The following RBFOX3 variants were observed in gnomAD, a reference collection of about 807,000 sequenced individuals.
RBFOX3 encodes the protein RNA binding protein fox-1 homolog 3.
RBFOX3 carries 17 observed loss-of-function variants against 48.7 expected under a neutral mutation model. The ratio of observed to expected loss-of-function variants is 0.35; its 90% CI spans 0.24 to 0.52. The LOEUF (loss-of-function observed/expected upper bound fraction) is 0.52. RBFOX3 is among the 20% of genes least tolerant of loss of function. The pLI, the probability that RBFOX3 is intolerant of heterozygous loss-of-function variation, is 0.94. For missense variants in RBFOX3, 382 were observed against 497.5 expected (o/e 0.77, Z 2.21); for synonymous variants, 212 against 209.5 (o/e 1.01, Z -0.10).
intron 1 of RBFOX3, among the ~76,000 whole-genome samples, chr17:79,506,454 G>A (rs2083140200): frequency 6.6e-6 from 1 of 152,310 alleles, no homozygotes; most frequent in Middle Eastern, 3.4e-3. Context: ...AGGCTGCGCT[G>A]GGTGACCTCC....
intron 2 of RBFOX3, among the ~76,000 whole-genome samples, chr17:79,330,827 C>A (rs529937240): frequency 1.3e-5 from 2 of 152,216 alleles, no homozygotes; most frequent in Non-Finnish European, 2.9e-5. Context: ...TTCGGAGAAG[C>A]CTTCCCTGAC....
chr17:79,127,483 T>C (rs368373780), intron 4 of RBFOX3, among the ~76,000 whole-genome samples: 3 of 152,122 alleles, frequency 2.0e-5, no homozygotes, highest in Non-Finnish European at 2.9e-5. Flanking sequence ...TTCTTGCAGG[T>C]GATGCTCCTA....
intron 2 of RBFOX3, among the ~76,000 whole-genome samples, chr17:79,442,396 AG>A (rs1555735651): frequency 1.4e-5 from 2 of 140,384 alleles, no homozygotes; most frequent in Non-Finnish European, 3.1e-5. Flanking sequence ...AGAGAGAGAG[AG>A]AGAGAAAGAG....
chr17:79,159,160 C>G (rs2046425749), intron 4 of RBFOX3, among the ~76,000 whole-genome samples: 1 of 152,102 alleles, frequency 6.6e-6, no homozygotes, highest in Admixed American at 6.5e-5. Flanking sequence ...AGCGGAGACC[C>G]AAAGAGCTGT....
At chr17:79,584,550 A>ATG (rs1183852264) in intron 1 of RBFOX3, among the ~76,000 whole-genome samples, 27,151 of 150,066 alleles carry the variant, frequency 0.18, 2,724 homozygotes, top group East Asian at 0.37. Flanking sequence ...ATGTGTGTGT[A>ATG]TGTGTGTGTG....
chr17:79,523,057 C>T (rs2086333594), intron 1 of RBFOX3, among the ~76,000 whole-genome samples: 1 of 150,466 alleles, frequency 6.6e-6, no homozygotes, highest in Admixed American at 6.6e-5. Flanking sequence ...GTAGATTCCA[C>T]TGATTATGAG....
chr17:79,557,531 TG>T (rs1171562384), intron 1 of RBFOX3, among the ~76,000 whole-genome samples: 3 of 151,568 alleles, frequency 2.0e-5, no homozygotes, highest in African/African-American at 7.3e-5. Flanking sequence ...CCGGCGGTGG[TG>T]GGGGGAAAGG....
intron 1 of RBFOX3, among the ~76,000 whole-genome samples, chr17:79,494,294 G>A (rs1055152627): frequency 2.6e-5 from 4 of 152,314 alleles, no homozygotes; most frequent in African/African-American, 9.6e-5. Context: ...AGGCAGGGCA[G>A]GAGAAGATGC....
At chr17:79,138,178 G>A (rs2040711539) in intron 4 of RBFOX3, among the ~76,000 whole-genome samples, 1 of 152,116 alleles carries the variant, frequency 6.6e-6, no homozygotes, top group East Asian at 1.9e-4. Context: ...CACTCCCACC[G>A]CAGGAGCAAC....
chr17:79,592,099 G>GCA lies in RBFOX3; in HGVS notation c.-320+18726_-320+18727insTG, dbSNP rs2093436287. 3.3e-5 allele frequency among the ~76,000 whole-genome samples: 5 copies of GCA among 150,490 alleles called. 1 individual carries two copies. In the South Asian group the frequency reaches 1.0e-3, roughly 32 times the overall value. Reference sequence around the variant, plus strand: ...ATTTTGTGTGCACATATGCATGCATGTGTGTGTGTGTAGTGTGTGTGGAAT... The same window carrying GCA: ...ATTTTGTGTGCACATATGCATGCATGCATGTGTGTGTGTAGTGTGTGTGGAAT... On this transcript the variant is annotated intron_variant, in intron 1 of 14. Coordinates refer to ENST00000693108, the MANE Select transcript of RBFOX3 (RefSeq NM_001350451.2).
intron 1 of RBFOX3, among the ~76,000 whole-genome samples, chr17:79,505,514 C>T (rs2082979288): frequency 6.6e-6 from 1 of 152,254 alleles, no homozygotes. Context: ...CCCAGCTCCT[C>T]TTCTGTCTCC....
intron 1 of RBFOX3, among the ~76,000 whole-genome samples, chr17:79,536,279 T>C (rs1555788696): frequency 6.6e-6 from 1 of 152,238 alleles, no homozygotes; most frequent in Non-Finnish European, 1.5e-5. Flanking sequence ...GGTTTCACCA[T>C]GTGGGCCAGG....
At chr17:79,546,393 T>A (rs2090437680) in intron 1 of RBFOX3, among the ~76,000 whole-genome samples, 1 of 152,196 alleles carries the variant, frequency 6.6e-6, no homozygotes, top group African/African-American at 2.4e-5. Context: ...GCCCCACTGC[T>A]GAAGTGTGGC....
intron 1 of RBFOX3, among the ~76,000 whole-genome samples, chr17:79,485,606 C>T (rs1188332314): frequency 2.6e-5 from 4 of 152,338 alleles, no homozygotes; most frequent in African/African-American, 4.8e-5. Flanking sequence ...CAGCCCCACA[C>T]TTCTCCACCA....
At chr17:79,234,880 G>C (rs911430421) in intron 4 of RBFOX3, 1 of 151,664 alleles carries the variant, frequency 6.6e-6, no homozygotes, top group Non-Finnish European at 1.5e-5. Flanking sequence ...ACAGGCACCC[G>C]CCACCATGCC....
intron 1 of RBFOX3, among the ~76,000 whole-genome samples, chr17:79,549,508 A>G (rs2090914225): frequency 6.6e-6 from 1 of 152,280 alleles, no homozygotes; most frequent in African/African-American, 2.4e-5. Context: ...CCAGGGTTAG[A>G]GAACCAAAAA....
chr17:79,095,562 C>T lies in RBFOX3; in HGVS notation c.949G>A (p.Ala317Thr), dbSNP rs2146254444. 1.9e-6 allele frequency: 3 copies of T among 1,551,348 alleles called. No homozygotes were observed. The highest frequency in any genetic ancestry group is 2.4e-5 in the South Asian group (2 of 84,008). Residue 317 changes from alanine (A) to threonine (T), a missense_variant, in exon 13 of 15, where the codon GCC becomes ACC. By Grantham distance (58) the Ala-to-Thr change is moderately conservative. This residue lies in a region of RBFOX3 where 215 missense variants were observed against 254.8 expected (regional missense o/e 0.84). Transcript: ENST00000693108. The stretch of plus-strand genomic sequence containing the variant: ...GCAGCGGGCTGAGCGTATCTGTAGG[C>T]TGCGTAGCCTCCCTGCAGGGTAAGT... ...YGAEIYGGYA[A>T]YRYAQPAAAA...
chr17:79,517,218 G>A (rs2085363956), intron 1 of RBFOX3, among the ~76,000 whole-genome samples: 1 of 152,124 alleles, frequency 6.6e-6, no homozygotes, highest in Non-Finnish European at 1.5e-5. Flanking sequence ...AGCTGAGGCA[G>A]GTGGATTACT....
At chr17:79,355,763 T>A (rs192230994) in intron 2 of RBFOX3, among the ~76,000 whole-genome samples, 1 of 152,204 alleles carries the variant, frequency 6.6e-6, no homozygotes, top group African/African-American at 2.4e-5. Flanking sequence ...TAATTTTTAG[T>A]AGAGATGGGA....
Sources: allele counts gnomAD v4.1 joint callset (sites outside exome capture counted in the v4.1 genomes callset), GRCh38; gene constraint gnomAD v4.1.1; regional missense constraint gnomAD v4.1.1; transcripts MANE v1.5; gene names NCBI Gene and HGNC (gene_info 2026-07-23, HGNC 2026-07-21).